DEPDC5: variants seen among roughly 807,000 people sequenced by gnomAD.
DEPDC5 encodes the protein DEP domain containing 5, GATOR1 subcomplex subunit, also known as GATOR1 complex protein DEPDC5.
A neutral mutation model predicts 217.3 loss-of-function variants in DEPDC5; 73 were observed. That is an observed-to-expected ratio of 0.34 (90% confidence interval 0.28 to 0.41). DEPDC5 has a LOEUF of 0.41. Ranked by LOEUF, DEPDC5 falls within the 10% of genes least tolerant of loss-of-function variation. The probability of loss-of-function intolerance (pLI) is 1.00; values close to 1 mark genes in which losing one functional copy is unlikely to be tolerated. For missense variants in DEPDC5, 1,675 were observed against 2,070.1 expected, an observed-to-expected ratio of 0.81 and a Z score of 3.70; for synonymous variants, 733 against 756.7, an observed-to-expected ratio of 0.97 and a Z score of 0.51.
At chr22:31,815,487 C>G (rs1283179150) in intron 21 of DEPDC5, 4 of 570,738 alleles carry the variant, frequency 7.0e-6, no homozygotes, top group Non-Finnish European at 1.2e-5. Context: ...TGGACTCAAT[C>G]GATCCTCCCA....
chr22:31,845,848 T>A (rs1338088150), intron 30 of DEPDC5, among the ~76,000 whole-genome samples: 1 of 151,652 alleles, frequency 6.6e-6, no homozygotes, highest in Non-Finnish European at 1.5e-5. Context: ...TTCAAAAAAA[T>A]TCTCTCATGC....
chr22:31,900,504 C>T (rs9621361), intron 40 of DEPDC5, among the ~76,000 whole-genome samples: 23,284 of 150,872 alleles, frequency 0.15, 2,737 homozygotes, highest in African/African-American at 0.33. Flanking sequence ...TTTGGGAGGC[C>T]GAGGCAGGCA....
intron 33 of DEPDC5, among the ~76,000 whole-genome samples, chr22:31,863,930 A>C (rs906376011): frequency 6.6e-6 from 1 of 151,842 alleles, no homozygotes; most frequent in Non-Finnish European, 1.5e-5. Context: ...CTGAAAAAAA[A>C]CAAAAAAAAA....
chr22:31,890,328 C>T (rs2093412943), intron 38 of DEPDC5: 1 of 152,012 alleles, frequency 6.6e-6, no homozygotes, highest in African/African-American at 2.4e-5. Flanking sequence ...TTTGTTTTTC[C>T]ATTCATGAGA....
At chr22:31,889,566 T>C (rs866987133) in intron 38 of DEPDC5, among the ~76,000 whole-genome samples, 15 of 139,310 alleles carry the variant, frequency 1.1e-4, no homozygotes, top group Non-Finnish European at 2.0e-4. Flanking sequence ...TTTTTTTTTT[T>C]CCAGACAGAG....
chr22:31,777,677 C>A (rs1487181795), intron 7 of DEPDC5, among the ~76,000 whole-genome samples: 1 of 152,128 alleles, frequency 6.6e-6, no homozygotes, highest in Non-Finnish European at 1.5e-5. Flanking sequence ...CTCTGGAAAT[C>A]TGTAACCAGT....
At chr22:31,838,113 T>C (rs1489933977) in intron 26 of DEPDC5, among the ~76,000 whole-genome samples, 1 of 152,202 alleles carries the variant, frequency 6.6e-6, no homozygotes, top group African/African-American at 2.4e-5. Flanking sequence ...CTGGCTTTGA[T>C]GTTTATTCTC....
chr22:31,819,621 A>G (rs1352387996), intron 22 of DEPDC5, among the ~76,000 whole-genome samples: 1 of 151,788 alleles, frequency 6.6e-6, no homozygotes, highest in Non-Finnish European at 1.5e-5. Context: ...GGTACGTGCC[A>G]CCAGGCCTGG....
At chr22:31,841,251 A>G (rs941647628) in intron 27 of DEPDC5, among the ~76,000 whole-genome samples, 2 of 152,160 alleles carry the variant, frequency 1.3e-5, no homozygotes, top group African/African-American at 2.4e-5. Context: ...CTCCCTTGGC[A>G]CCATCGGGGA....
Position 31,901,757 on chromosome 22 carries a change from C to G in DEPDC5, c.4391C>G (p.Thr1464Arg), listed in dbSNP as rs556147064. The stretch of plus-strand genomic sequence containing the variant: ...TTCCTTTCAGGCTTTGAACCCGAAA[C>G]GTACTGGGATCGAATGCACCTCTTC... Reference protein sequence around the residue: ...EHLFDSFEPETYWDRMHLFQE... With the variant: ...EHLFDSFEPERYWDRMHLFQE... Residue 1464 changes from threonine (T) to arginine (R), a missense_variant, in exon 41 of 43, where the codon ACG (threonine) becomes AGG (arginine). Physicochemically the swap from Thr to Arg is moderately conservative, Grantham distance 71. Coordinates refer to ENST00000651528, the MANE Select transcript of DEPDC5 (RefSeq NM_001242896.3). 1 of 1,613,144 alleles carries G rather than the reference C, an allele frequency of 6.2e-7. No individual in the cohort carries two copies. Among genetic ancestry groups the G allele is most frequent in the Non-Finnish European group, 8.5e-7 (1 of 1,179,582 alleles).
At chr22:31,886,653 G>C (rs754598741) in intron 38 of DEPDC5, among the ~76,000 whole-genome samples, 1 of 150,262 alleles carries the variant, frequency 6.7e-6, no homozygotes, top group Non-Finnish European at 1.5e-5. Flanking sequence ...CCAGCTACTC[G>C]TGAGGCTGAG....
At position 31,783,877 on chromosome 22, in the gene DEPDC5, C is replaced by G. The variant is rs143232850; in HGVS notation, c.484-30C>G. 7.0e-5 allele frequency: 112 copies of G among 1,599,522 alleles called. No homozygotes were observed. In the African/African-American group the frequency reaches 1.3e-3, roughly 19 times the overall value. On this transcript the variant is annotated intron_variant, in intron 8 of 42. Transcript: ENST00000651528. ...AGAACTGAAACTGTATATGGCATTG[C>G]TTTTTAATACAATTGTGTTTTTATT... is the stretch of plus-strand genomic sequence containing the variant.
At chr22:31,813,185 A>G (rs1260151848) in intron 20 of DEPDC5, among the ~76,000 whole-genome samples, 1 of 152,190 alleles carries the variant, frequency 6.6e-6, no homozygotes, top group Non-Finnish European at 1.5e-5. Context: ...CTTAGAGCTC[A>G]GAATTAAGTG....
intron 24 of DEPDC5, among the ~76,000 whole-genome samples, chr22:31,831,657 C>G (rs2090604922): frequency 6.6e-6 from 1 of 152,144 alleles, no homozygotes; most frequent in Non-Finnish European, 1.5e-5. Flanking sequence ...GACGAGGTTT[C>G]ACCATGTTGG....
At chr22:31,766,110 C>T (rs754462009) in intron 5 of DEPDC5, among the ~76,000 whole-genome samples, 3 of 152,182 alleles carry the variant, frequency 2.0e-5, no homozygotes, top group Non-Finnish European at 1.5e-5. Context: ...AAACCCACCA[C>T]CACTTTTCTT....
chr22:31,855,354 T>C (rs1219376576), intron 31 of DEPDC5, among the ~76,000 whole-genome samples: 1 of 151,674 alleles, frequency 6.6e-6, no homozygotes, highest in African/African-American at 2.4e-5. Context: ...GATGAAACAA[T>C]GTGTGAGTTT....
chr22:31,877,772 A>C (rs1438618856), intron 37 of DEPDC5, among the ~76,000 whole-genome samples: 2 of 147,812 alleles, frequency 1.4e-5, no homozygotes, highest in African/African-American at 5.0e-5. Flanking sequence ...AAAAAAAAAA[A>C]AACAGCAAAA....
At chr22:31,754,323 A>T (rs1395799530) in intron 1 of DEPDC5, among the ~76,000 whole-genome samples, 159 bp downstream of exon 1, 2 of 152,174 alleles carry the variant, frequency 1.3e-5, no homozygotes. Flanking sequence ...TGTGAAACGG[A>T]GTCAGGGAAG....
At chr22:31,788,104 A>T (rs1022178574) in intron 10 of DEPDC5, among the ~76,000 whole-genome samples, 2 of 151,492 alleles carry the variant, frequency 1.3e-5, no homozygotes, top group Non-Finnish European at 2.9e-5. Flanking sequence ...TAAAATAATT[A>T]AAAAAACAAA....
Sources: gnomAD v4.1 joint callset for allele counts (sites outside exome capture counted in the v4.1 genomes callset) on GRCh38, gnomAD v4.1.1 for gene constraint, MANE v1.5 for transcripts, NCBI Gene and HGNC (gene_info 2026-07-23, HGNC 2026-07-21) for gene names.